Variants in SERBP1 observed in about 807,000 individuals in gnomAD.
The protein encoded by SERBP1 is SERPINE1 mRNA-binding protein 1.
Under a neutral mutation model 50.2 loss-of-function variants are expected in SERBP1, and 6 were observed. The ratio of observed to expected loss-of-function variants is 0.12; its 90% confidence interval spans 0.07 to 0.24. SERBP1 has a LOEUF of 0.24. SERBP1 is among the 10% of genes least tolerant of loss of function. The pLI is 1.00. For synonymous variants in SERBP1, 168 were observed against 182.8 expected, an observed-to-expected ratio of 0.92 and a Z score of 0.65; for missense variants, 346 against 524.9, an observed-to-expected ratio of 0.66 and a Z score of 3.33.
At position 67,430,128 on chromosome 1, in the gene SERBP1, G is replaced by A; in HGVS notation, c.173C>T (p.Ala58Val). ...GPGAKSAAQA[A>V]AQTNSNAAGK... ...TGCCGCGTTGGAGTTGGTCTGGGCC[G>A]CGGCCTGAGCTGCGCTCTTGGCCCC... is the stretch of plus-strand genomic sequence containing the variant. Residue 58 changes from alanine (A) to valine (V), a missense_variant, in exon 1 of 8, where the codon GCG becomes GTG. Coordinates refer to ENST00000361219, the MANE Select transcript of SERBP1 (RefSeq NM_001018069.2). 1.9e-6 allele frequency: 3 copies of A among 1,611,850 alleles called. No individual in the cohort carries two copies. Among genetic ancestry groups the A allele is most frequent in the Non-Finnish European group, 2.5e-6 (3 of 1,179,766 alleles).
rs1424585771 is a variant in SERBP1, at chr1:67,410,016, T to G, written c.*3191A>C. On this transcript the variant is annotated 3_prime_UTR_variant, in exon 8 of 8. Transcript: ENST00000361219. ...AATCCAAAACGTCTGGGTTATAATCTATTTTCTAAGTGTTTACTTTAGAAA... is the reference window on the plus strand; with the variant it reads ...AATCCAAAACGTCTGGGTTATAATCGATTTTCTAAGTGTTTACTTTAGAAA... The G allele has an allele frequency of 1.3e-5, 2 of 152,362 alleles. No homozygotes were observed. The highest frequency in any genetic ancestry group is 2.1e-4 in the South Asian group (1 of 4,828). The allele number at this position is 152,362 out of a possible 1,614,324, so 9.4% of individuals were successfully genotyped here.
Position 67,430,367 on chromosome 1 carries a change from T to C in SERBP1, c.-67A>G. 1 of 1,448,300 alleles carries C rather than the reference T, an allele frequency of 6.9e-7. No homozygotes were observed. Among genetic ancestry groups the C allele is most frequent in the Non-Finnish European group, 9.2e-7 (1 of 1,083,580 alleles). The allele number at this position is 1,448,300 out of a possible 1,614,324, so 89.7% of individuals were successfully genotyped here. A position where few individuals can be genotyped will look rare whatever the true frequency, so the allele number is the denominator to read the frequency against. ...GCCGCGCCGAGCCAAGAGCGCCTGC[T>C]TCAGCTCTTCCCACAAGATGGCCGG... On this transcript the variant is annotated 5_prime_UTR_variant, in exon 1 of 8. Coordinates refer to ENST00000361219, the MANE Select transcript of SERBP1 (RefSeq NM_001018069.2).
In SERBP1 at chr1:67,426,297, A is replaced by G; in HGVS notation, c.314-12T>C. ...AACTCGTCTTATTCCTAAAACGATA[A>G]GATAACCTGCATAAGCAAATTATTT... On this transcript the variant is annotated splice_polypyrimidine_tract_variant and intron_variant, in intron 1 of 7. Transcript: ENST00000361219. 6.4e-7 allele frequency: 1 copy of G among 1,574,504 alleles called. No homozygotes were observed. Among genetic ancestry groups the G allele is most frequent in the Non-Finnish European group, 8.6e-7 (1 of 1,163,162 alleles).
chr1:67,425,014 T>C (rs755206047), intron 3 of SERBP1, 37 bp from the exon 4 acceptor site: 19 of 1,603,150 alleles, frequency 1.2e-5, no homozygotes, highest in Admixed American at 1.0e-4. Flanking sequence ...TCTTTAGTTC[T>C]AGAAATTCAA....
chr1:67,414,417 C>A (rs367826547), intron 7 of SERBP1, among the ~76,000 whole-genome samples: 2 of 152,094 alleles, frequency 1.3e-5, no homozygotes, highest in Non-Finnish European at 2.9e-5. Flanking sequence ...ATTACACTGG[C>A]AATGGTAAGT....
At chr1:67,426,601 T>A (rs1049675956) in intron 1 of SERBP1, among the ~76,000 whole-genome samples, 2 of 152,224 alleles carry the variant, frequency 1.3e-5, no homozygotes, top group Non-Finnish European at 2.9e-5. Context: ...TGGAAATCAT[T>A]TGGGCAACCA....
intron 5 of SERBP1, among the ~76,000 whole-genome samples, chr1:67,421,879 A>C (rs550030102): frequency 6.6e-6 from 1 of 152,132 alleles, no homozygotes; most frequent in East Asian, 1.9e-4. Context: ...CTTGAACTTC[A>C]GAATGGCCAA....
chr1:67,414,065 C>T (rs1570279537), intron 7 of SERBP1, among the ~76,000 whole-genome samples: 1 of 152,278 alleles, frequency 6.6e-6, no homozygotes, highest in East Asian at 1.9e-4. Context: ...ACTGGGATTA[C>T]AGGCGTGAGG....
At position 67,410,596 on chromosome 1, in the gene SERBP1, A is replaced by G. The variant is rs1666804108; in HGVS notation, c.*2611T>C. 6.6e-6 allele frequency: 1 copy of G among 152,192 alleles called. No homozygotes were observed. 9.4% of individuals were successfully genotyped at this position (152,192 alleles called of 1,614,324 possible). On this transcript the variant is annotated 3_prime_UTR_variant, in exon 8 of 8. Transcript: ENST00000361219. ...TCAATACAAGCTGTAAAAATGCCTTAAAAATCTCAGGTCTGGCATTACTTC... is the reference window on the plus strand; with the variant it reads ...TCAATACAAGCTGTAAAAATGCCTTGAAAATCTCAGGTCTGGCATTACTTC...
At chr1:67,424,102 G>A in intron 5 of SERBP1, 98 bp downstream of exon 5, 1 of 1,250,384 alleles carries the variant, frequency 8.0e-7, no homozygotes, top group Non-Finnish European at 1.1e-6. Context: ...AAAACAAAAA[G>A]CCATCAAGTA....
rs933798201 is a variant in SERBP1 at position 67,412,682 on chromosome 1, T to C, written c.*525A>G. The C allele has an allele frequency of 6.5e-6, 1 of 152,696 alleles. No individual in the cohort carries two copies. The highest frequency in any genetic ancestry group is 2.4e-5 in the African/African-American group (1 of 41,448). 9.5% of individuals were successfully genotyped at this position (152,696 alleles called of 1,614,324 possible). A position where few individuals can be genotyped will look rare whatever the true frequency, so the allele number is the denominator to read the frequency against. ...TGAAAATATTAAAACTAAGTTAAAA[T>C]ACATATAGTTAGTATTCCACACAGC... On this transcript the variant is annotated 3_prime_UTR_variant, in exon 8 of 8. Transcript: ENST00000361219.
At chr1:67,417,971 GTTTTTTTTTTTTT>G (rs397861816) in intron 6 of SERBP1, among the ~76,000 whole-genome samples, 38 of 76,828 alleles carry the variant, frequency 4.9e-4, no homozygotes, top group East Asian at 1.0e-3. Context: ...TTAAAGTGTT[GTTTTTTTTTTTTT>G]TTTTTTTTTT....
intron 6 of SERBP1, among the ~76,000 whole-genome samples, chr1:67,416,204 GT>G (rs1315792157): frequency 6.6e-6 from 1 of 152,108 alleles, no homozygotes; most frequent in Non-Finnish European, 1.5e-5. Flanking sequence ...TTATAGACAG[GT>G]TTTCACAGTG....
chr1:67,419,047 G>A (rs1667121725), intron 6 of SERBP1, among the ~76,000 whole-genome samples: 1 of 152,176 alleles, frequency 6.6e-6, no homozygotes, highest in Non-Finnish European at 1.5e-5. Flanking sequence ...TTAAACGGAA[G>A]CTACCAAATC....
chr1:67,429,931 A>T, intron 1 of SERBP1, 57 bp downstream of exon 1: 1 of 1,496,596 alleles, frequency 6.7e-7, no homozygotes, highest in Admixed American at 2.3e-5. Flanking sequence ...GGCAGCCGGC[A>T]GCCCCCTCGC....
intron 5 of SERBP1, among the ~76,000 whole-genome samples, 190 bp downstream of exon 5, chr1:67,424,010 C>G (rs1171847802): frequency 6.6e-6 from 1 of 152,096 alleles, no homozygotes; most frequent in South Asian, 2.1e-4. Flanking sequence ...TAGTGAGACC[C>G]TGTCTCTATT....
rs368814948 is a variant in SERBP1, at chr1:67,430,054, G to T, written c.247C>A (p.Pro83Thr). The T allele has an allele frequency of 1.2e-6, 2 of 1,613,594 alleles. No homozygotes were observed. Among genetic ancestry groups the T allele is most frequent in the Admixed American group, 1.7e-5 (1 of 59,974 alleles). Residue 83 changes from proline to threonine, a missense_variant, in exon 1 of 8, where the codon CCC (proline) becomes ACC (threonine). By Grantham distance (38) the Pro-to-Thr change is conservative. This residue lies in a region of SERBP1 where 257 missense variants were observed against 331.2 expected (regional missense o/e 0.78). Coordinates refer to ENST00000361219, the MANE Select transcript of SERBP1 (RefSeq NM_001018069.2). Reference sequence around the variant, plus strand: ...TTGTCAACCACGCCAACGCTGGGGGGCAGCGGGTTCTTGCGGTCTTTCTGG... The same window carrying T: ...TTGTCAACCACGCCAACGCTGGGGGTCAGCGGGTTCTTGCGGTCTTTCTGG... ...ESQKDRKNPL[P>T]PSVGVVDKKE...
In SERBP1 at chr1:67,430,220, G is replaced by C; in HGVS notation, c.81C>G (p.Pro27=). The C allele has an allele frequency of 1.2e-6, 2 of 1,602,026 alleles. No homozygotes were observed. Among genetic ancestry groups the C allele is most frequent in the Non-Finnish European group, 8.5e-7 (1 of 1,177,100 alleles). ...TCTCTGCTGCCTTCAGCACCTCGAA[G>C]GGGTCCGATTCGTCGTCAAATAACT... ...FDQLFDDESD[P]FEVLKAAENK... Residue 27 remains proline, a synonymous_variant, in exon 1 of 8, where the codon CCC becomes CCG. Transcript: ENST00000361219.
Position 67,425,339 on chromosome 1 carries a change from T to C in SERBP1, c.465-116A>G, listed in dbSNP as rs577640804. 1.6e-5 allele frequency: 15 copies of C among 939,826 alleles called. No individual in the cohort carries two copies. In the East Asian group the frequency reaches 3.5e-4, roughly 22 times the overall value. The allele number at this position is 939,826 out of a possible 1,614,324, so 58.2% of individuals were successfully genotyped here. ...ACTGGCTCAAAAACCAATAGTTAAA[T>C]ACATACACTTCAGAAAATTCAAAAT... On this transcript the variant is annotated intron_variant, in intron 2 of 7. Transcript: ENST00000361219.
Sources: gnomAD v4.1 joint callset for allele counts (sites outside exome capture counted in the v4.1 genomes callset) on GRCh38, gnomAD v4.1.1 for gene constraint, gnomAD v4.1.1 regional missense constraint, MANE v1.5 for transcripts, NCBI Gene and HGNC (gene_info 2026-07-23, HGNC 2026-07-21) for gene names.